MAGI2: variants seen among roughly 807,000 people sequenced by gnomAD.
MAGI2 encodes membrane associated guanylate kinase, WW and PDZ domain containing 2.
Under a neutral mutation model 133.3 loss-of-function variants are expected in MAGI2, and 35 were observed. That is an observed-to-expected ratio of 0.26 (90% CI 0.20 to 0.35). The LOEUF (loss-of-function observed/expected upper bound fraction) is 0.35. MAGI2 is among the 10% of genes least tolerant of loss of function. The pLI is 1.00. For missense variants in MAGI2, 1,636 were observed against 1,863.4 expected (o/e 0.88, Z 2.25); for synonymous variants, 729 against 710.6 (o/e 1.03, Z -0.41).
Position 78,077,698 on chromosome 7 carries a change from T to C in MAGI2, c.3706+1249A>G, listed in dbSNP as rs573414248. ...TAGACAATGTATGCAAAAAGAATAA[T>C]CTGAAATGAAAAGTACTCTTTAGAA... is the stretch of plus-strand genomic sequence containing the variant. On this transcript the variant is annotated intron_variant, in intron 21 of 21. Coordinates refer to ENST00000354212, the MANE Select transcript of MAGI2 (RefSeq NM_012301.4). 4.9e-5 allele frequency among the ~76,000 whole-genome samples: 7 copies of C among 143,502 alleles called. No homozygotes were observed. In the East Asian group the frequency reaches 1.4e-3, roughly 29 times the overall value. The allele number at this position is 143,502 out of a possible 152,430, so 94.1% of individuals were successfully genotyped here. A position where few individuals can be genotyped will look rare whatever the true frequency, so the allele number is the denominator to read the frequency against.
chr7:78,352,484 G>T (rs1330701237), intron 7 of MAGI2, among the ~76,000 whole-genome samples: 2 of 152,166 alleles, frequency 1.3e-5, no homozygotes, highest in African/African-American at 4.8e-5. Context: ...TAACACTTAA[G>T]TGATAATTTT....
At chr7:78,474,928 A>G (rs527850901) in intron 6 of MAGI2, among the ~76,000 whole-genome samples, 39 of 152,054 alleles carry the variant, frequency 2.6e-4, no homozygotes, top group African/African-American at 9.1e-4. Flanking sequence ...ACTATTGGAA[A>G]GCTATTATTT....
chr7:78,550,448 C>A (rs757803045), intron 3 of MAGI2, among the ~76,000 whole-genome samples: 12 of 151,996 alleles, frequency 7.9e-5, no homozygotes, highest in Non-Finnish European at 1.6e-4. Flanking sequence ...AGAAGCTCAG[C>A]CAAGAAAAAC....
chr7:79,342,654 T>G (rs1226443637), intron 1 of MAGI2, among the ~76,000 whole-genome samples: 1 of 152,200 alleles, frequency 6.6e-6, no homozygotes, highest in African/African-American at 2.4e-5. Flanking sequence ...TTTGCTTTTC[T>G]TAGGTTACTT....
At chr7:78,871,015 A>G (rs1323993141) in intron 2 of MAGI2, among the ~76,000 whole-genome samples, 2 of 152,194 alleles carry the variant, frequency 1.3e-5, no homozygotes, top group Non-Finnish European at 2.9e-5. Flanking sequence ...CAAATGCATA[A>G]GAACAATCTA....
chr7:78,564,144 G>GT (rs1800689139), intron 3 of MAGI2, among the ~76,000 whole-genome samples: 1 of 151,886 alleles, frequency 6.6e-6, no homozygotes, highest in African/African-American at 2.4e-5. Context: ...AATTGAGCAG[G>GT]TAAGGATAAC....
At chr7:79,047,298 A>T (rs10231279) in intron 1 of MAGI2, among the ~76,000 whole-genome samples, 64,896 of 151,932 alleles carry the variant, frequency 0.43, 15,469 homozygotes, top group African/African-American at 0.65. Flanking sequence ...TTAAGGCACA[A>T]TGTGTATAAT....
chr7:78,341,081 C>T (rs573085181), intron 9 of MAGI2, among the ~76,000 whole-genome samples: 1 of 152,272 alleles, frequency 6.6e-6, no homozygotes, highest in East Asian at 1.9e-4. Flanking sequence ...CCAAAAACTC[C>T]TTATGCTGAT....
chr7:78,449,945 ACT>A (rs1788547356), intron 6 of MAGI2, among the ~76,000 whole-genome samples: 1 of 152,098 alleles, frequency 6.6e-6, no homozygotes, highest in Non-Finnish European at 1.5e-5. Context: ...TTTCGATAAC[ACT>A]GTCTTAGAGG....
intron 1 of MAGI2, among the ~76,000 whole-genome samples, chr7:79,027,204 A>G (rs1809983593): frequency 6.6e-6 from 1 of 152,086 alleles, no homozygotes; most frequent in African/African-American, 2.4e-5. Context: ...TTACTCAAAG[A>G]TTTGAAATGA....
intron 2 of MAGI2, among the ~76,000 whole-genome samples, chr7:78,771,847 G>A (rs902966544): frequency 1.3e-5 from 2 of 152,198 alleles, no homozygotes; most frequent in African/African-American, 4.8e-5. Flanking sequence ...GTTTGCTGTT[G>A]TGGAACTAGA....
In MAGI2 at chr7:78,816,619, C is replaced by T. The variant is rs1426487942; in HGVS notation, c.419-189380G>A. Among the ~76,000 whole-genome samples the T allele has an allele frequency of 2.6e-5, 4 of 152,144 alleles. No homozygotes were observed. In the East Asian group the frequency reaches 5.8e-4, roughly 22 times the overall value. ...CCTAGGACCCTTAAAAATTACATGA[C>T]ATTTACTCTGCCTATACTCTAAAAA... On this transcript the variant is annotated intron_variant, in intron 2 of 21. Coordinates refer to ENST00000354212, the MANE Select transcript of MAGI2 (RefSeq NM_012301.4).
intron 2 of MAGI2, among the ~76,000 whole-genome samples, chr7:78,923,885 ACTT>A (rs1265321030): frequency 6.6e-6 from 1 of 152,086 alleles, no homozygotes; most frequent in Non-Finnish European, 1.5e-5. Flanking sequence ...AGTGGTTTGT[ACTT>A]CTCCTTGAAG....
intron 6 of MAGI2, among the ~76,000 whole-genome samples, chr7:78,447,190 T>C (rs57042465): frequency 0.016 from 2,404 of 152,186 alleles, 59 homozygotes; most frequent in African/African-American, 0.051. Flanking sequence ...ACTTAGAGTC[T>C]CTTTTTAAAA....
intron 1 of MAGI2, among the ~76,000 whole-genome samples, chr7:79,348,778 CA>C (rs1394309355): frequency 6.6e-6 from 1 of 151,640 alleles, no homozygotes; most frequent in Non-Finnish European, 1.5e-5. Flanking sequence ...TTTCCAGAAG[CA>C]AAATATTTCT....
intron 1 of MAGI2, among the ~76,000 whole-genome samples, chr7:79,024,580 T>A (rs1228516168): frequency 1.3e-5 from 2 of 151,512 alleles, no homozygotes; most frequent in Non-Finnish European, 2.9e-5. Context: ...ACCTAAAGAA[T>A]GGGAGAAAAT....
intron 6 of MAGI2, among the ~76,000 whole-genome samples, chr7:78,449,835 A>G (rs1219784759): frequency 6.6e-6 from 1 of 152,124 alleles, no homozygotes; most frequent in Non-Finnish European, 1.5e-5. Context: ...CCAGGTAATC[A>G]GAAGAGAATT....
intron 2 of MAGI2, among the ~76,000 whole-genome samples, chr7:78,699,354 G>C (rs1174392130): frequency 6.6e-6 from 1 of 152,124 alleles, no homozygotes; most frequent in African/African-American, 2.4e-5. Context: ...TCCTGCCTCG[G>C]CCTCCCAAAG....
At chr7:78,735,059 T>G (rs1303410267) in intron 2 of MAGI2, among the ~76,000 whole-genome samples, 1 of 152,202 alleles carries the variant, frequency 6.6e-6, no homozygotes, top group Non-Finnish European at 1.5e-5. Context: ...TTGTAAAGAC[T>G]ATCTAAATCT....
Sources: gnomAD v4.1 joint callset for allele counts (sites outside exome capture counted in the v4.1 genomes callset) on GRCh38, gnomAD v4.1.1 for gene constraint, MANE v1.5 for transcripts, NCBI Gene and HGNC (gene_info 2026-07-23, HGNC 2026-07-21) for gene names.